The following SVOPL variants were observed in gnomAD, a reference collection of about 807,000 sequenced individuals.
The protein encoded by SVOPL is SVOP like, also known as putative transporter SVOPL.
Under a neutral mutation model 61.0 loss-of-function variants are expected in SVOPL, and 60 were observed. The observed-to-expected ratio is 0.98, with a 90% CI of 0.80 to 1.22. The LOEUF is 1.22. Ranked by LOEUF, SVOPL falls within the 50% of genes most tolerant of loss-of-function variation. The pLI is 0.00. For synonymous variants in SVOPL, 279 were observed against 250.0 expected (o/e 1.12, Z -1.09); for missense variants, 662 against 643.9 (o/e 1.03, Z -0.30).
chr7:138,628,178 CTGA>C lies in SVOPL; in HGVS notation c.1046_1048del (p.Ile349del). The stretch of plus-strand genomic sequence containing the variant: ...CTTACAAGCAATTTCACCGATGGTG[CTGA>C]TGATCATGGTCCGATAGTCAGAGGG... On this transcript the variant is annotated inframe_deletion, in exon 11 of 16. Transcript: ENST00000674285. The C allele has an allele frequency of 6.2e-7, 1 of 1,614,202 alleles. No individual in the cohort carries two copies. The highest frequency in any genetic ancestry group is 1.1e-5 in the South Asian group (1 of 91,082).
intron 3 of SVOPL, among the ~76,000 whole-genome samples, chr7:138,673,734 T>G (rs77192275): frequency 6.6e-6 from 1 of 152,232 alleles, no homozygotes; most frequent in Non-Finnish European, 1.5e-5. Context: ...TTCACCAAGA[T>G]GCCACTCCTC....
At chr7:138,686,705 T>TA (rs1432954245) in intron 1 of SVOPL, among the ~76,000 whole-genome samples, 3 of 151,296 alleles carry the variant, frequency 2.0e-5, no homozygotes, top group Non-Finnish European at 4.4e-5. Flanking sequence ...AGCATGCCTG[T>TA]AATCATGCAC....
At chr7:138,611,856 T>G (rs1364385631) in intron 14 of SVOPL, among the ~76,000 whole-genome samples, 59 of 66,454 alleles carry the variant, frequency 8.9e-4, no homozygotes, top group Admixed American at 1.4e-3. Context: ...AGTGCCGAGA[T>G]TGCAGCCTCT....
intron 9 of SVOPL, among the ~76,000 whole-genome samples, chr7:138,642,811 T>C (rs527933187): frequency 3.0e-3 from 396 of 130,410 alleles, no homozygotes; most frequent in Non-Finnish European, 4.7e-3. Context: ...GCCTGGACGA[T>C]AGAGCGAGAC....
intron 12 of SVOPL, among the ~76,000 whole-genome samples, 171 bp downstream of exon 12, chr7:138,627,178 AG>A (rs1799928869): frequency 6.6e-6 from 1 of 152,148 alleles, no homozygotes; most frequent in South Asian, 2.1e-4. Context: ...CTGTAGGAAG[AG>A]GGAAGCGGGG....
At chr7:138,665,283 A>G (rs1014050452) in intron 4 of SVOPL, among the ~76,000 whole-genome samples, 1 of 150,418 alleles carries the variant, frequency 6.6e-6, no homozygotes, top group African/African-American at 2.5e-5. Flanking sequence ...TTCTCAATTA[A>G]CAACCGCTTA....
intron 3 of SVOPL, among the ~76,000 whole-genome samples, chr7:138,674,664 G>A (rs1802512353): frequency 6.6e-6 from 1 of 151,608 alleles, no homozygotes; most frequent in Admixed American, 6.6e-5. Flanking sequence ...AGACCATCCT[G>A]GCTAACACGG....
chr7:138,670,254 T>C (rs1802381866), intron 4 of SVOPL, among the ~76,000 whole-genome samples: 1 of 152,102 alleles, frequency 6.6e-6, no homozygotes. Context: ...AAACCACCTT[T>C]ATAAAGTAAT....
intron 6 of SVOPL, among the ~76,000 whole-genome samples, chr7:138,659,100 C>G (rs1166038083): frequency 6.6e-6 from 1 of 152,188 alleles, no homozygotes; most frequent in Admixed American, 6.5e-5. Context: ...TACCTGGAGG[C>G]TTCATTTGCA....
At chr7:138,602,194 C>G (rs939031743) in intron 14 of SVOPL, among the ~76,000 whole-genome samples, 1 of 151,894 alleles carries the variant, frequency 6.6e-6, no homozygotes, top group East Asian at 1.9e-4. Flanking sequence ...GCCTGGGCAA[C>G]AAAGCAAGAT....
At chr7:138,637,451 GATAGATAT>G (rs1563108582) in intron 9 of SVOPL, among the ~76,000 whole-genome samples, 5 of 36,020 alleles carry the variant, frequency 1.4e-4, no homozygotes, top group African/African-American at 6.9e-4. Context: ...TAGATAGATA[GATAGATAT>G]ATATATATAG....
At chr7:138,694,447 T>C (rs1174343200) in intron 1 of SVOPL, among the ~76,000 whole-genome samples, 1 of 152,086 alleles carries the variant, frequency 6.6e-6, no homozygotes, top group African/African-American at 2.4e-5. Context: ...GGTTTCACCA[T>C]GTTGGCCAGG....
chr7:138,693,930 A>G (rs1343887142), intron 1 of SVOPL, among the ~76,000 whole-genome samples: 2 of 152,240 alleles, frequency 1.3e-5, no homozygotes, highest in African/African-American at 4.8e-5. Context: ...CATCAGGGAC[A>G]TGAAGAATAC....
chr7:138,627,892 A>G (rs1219050346), intron 11 of SVOPL, among the ~76,000 whole-genome samples: 3 of 152,194 alleles, frequency 2.0e-5, no homozygotes, highest in Non-Finnish European at 4.4e-5. Flanking sequence ...AGCCATTGTA[A>G]GCCACATGCC....
chr7:138,645,254 C>T (rs1273857699), intron 8 of SVOPL, among the ~76,000 whole-genome samples: 1 of 152,182 alleles, frequency 6.6e-6, no homozygotes, highest in Admixed American at 6.5e-5. Context: ...GCTCCAGCAC[C>T]CACACGGTGG....
At chr7:138,663,907 T>C (rs1174065024) in intron 4 of SVOPL, among the ~76,000 whole-genome samples, 1 of 152,302 alleles carries the variant, frequency 6.6e-6, no homozygotes, top group African/African-American at 2.4e-5. Context: ...GTCGCTGTTC[T>C]GCTTTTTTTC....
At chr7:138,662,418 C>T (rs1802039570) in intron 5 of SVOPL, 12 of 985,328 alleles carry the variant, frequency 1.2e-5, no homozygotes, top group Non-Finnish European at 1.4e-5. Context: ...GACTTGCTCC[C>T]TCCCAACCTA....
chr7:138,620,444 C>CAAAA lies in SVOPL; in HGVS notation c.1353+598_1353+601dup, dbSNP rs3080386. On this transcript the variant is annotated intron_variant, in intron 14 of 15. Coordinates refer to ENST00000674285, the MANE Select transcript of SVOPL (RefSeq NM_001139456.2). The stretch of plus-strand genomic sequence containing the variant: ...GTCTGGATTTCTGTTTCTTTGCAGC[C>CAAAA]AAAAAAAAAAAAAAAAAAAGACTGA... Among the ~76,000 whole-genome samples, 194 of 87,248 alleles carry CAAAA rather than the reference C, an allele frequency of 2.2e-3. 4 individuals carry two copies. The highest frequency in any genetic ancestry group is 7.2e-3 in the African/African-American group (169 of 23,474). 57.2% of individuals were successfully genotyped at this position (87,248 alleles called of 152,430 possible). A position where few individuals can be genotyped will look rare whatever the true frequency, so the allele number is the denominator to read the frequency against.
chr7:138,644,362 T>C (rs1160653610), intron 9 of SVOPL, among the ~76,000 whole-genome samples: 1 of 152,014 alleles, frequency 6.6e-6, no homozygotes, highest in African/African-American at 2.4e-5. Context: ...TTCAGAGATA[T>C]GAAAAAAGTC....
Sources: gnomAD v4.1 joint callset for allele counts (sites outside exome capture counted in the v4.1 genomes callset) on GRCh38, gnomAD v4.1.1 for gene constraint, MANE v1.5 for transcripts, NCBI Gene and HGNC (gene_info 2026-07-23, HGNC 2026-07-21) for gene names.